The following MRTFB variants were observed in gnomAD, a reference collection of about 807,000 sequenced individuals.
MRTFB encodes the protein myocardin related transcription factor B.
In MRTFB, 29 loss-of-function variants were observed where a neutral mutation model predicts 104.2. That is an observed-to-expected ratio of 0.28 (90% CI 0.21 to 0.38). The LOEUF (loss-of-function observed/expected upper bound fraction) is 0.38, where lower values mean the gene tolerates loss of function less well. MRTFB is among the 10% of genes least tolerant of loss of function. The pLI is 1.00. For missense variants in MRTFB, 1,270 were observed against 1,341.6 expected (o/e 0.95, Z 0.83); for synonymous variants, 535 against 519.5 (o/e 1.03, Z -0.41).
intron 2 of MRTFB, among the ~76,000 whole-genome samples, chr16:14,115,077 A>C (rs1230691430): frequency 6.6e-6 from 1 of 152,176 alleles, no homozygotes; most frequent in Non-Finnish European, 1.5e-5. Context: ...AAGTATAGAA[A>C]GGTTTGGGTC....
At chr16:14,235,722 G>A (rs1302391454) in intron 9 of MRTFB, among the ~76,000 whole-genome samples, 4 of 152,158 alleles carry the variant, frequency 2.6e-5, no homozygotes, top group African/African-American at 9.7e-5. Flanking sequence ...TTCCATCTGA[G>A]GAACACTAGT....
Position 14,264,363 on chromosome 16 carries a change from A to G in MRTFB, c.*2919A>G, listed in dbSNP as rs953664844. On this transcript the variant is annotated 3_prime_UTR_variant, in exon 17 of 17. Transcript: ENST00000571589. ...GGGGTGGGATGAATTTAAAAGTTAT[A>G]CCAAAATTTCTGTAAAGTCTTTGAA... 1 of 152,222 alleles carries G rather than the reference A, an allele frequency of 6.6e-6. No individual in the cohort carries two copies. The highest frequency in any genetic ancestry group is 1.5e-5 in the Non-Finnish European group (1 of 68,044). 9.4% of individuals were successfully genotyped at this position (152,222 alleles called of 1,614,324 possible). A position where few individuals can be genotyped will look rare whatever the true frequency, so the allele number is the denominator to read the frequency against.
chr16:14,260,939 C>G lies in MRTFB; in HGVS notation c.2795C>G (p.Ser932Cys), dbSNP rs1230026202. ...TCCCTCCCCATAAAAGAAGAACCTT[C>G]TCCTATTTCCAAAATGAGACCAGTG... ...EISLPIKEEP[S>C]PISKMRPVTA... The change falls in exon 17 of 17, where the codon TCT becomes TGT. Residue 932 changes from serine to cysteine, a missense_variant. Transcript: ENST00000571589. 2.5e-6 allele frequency: 4 copies of G among 1,611,336 alleles called. No homozygotes were observed. The highest frequency in any genetic ancestry group is 1.3e-5 in the African/African-American group (1 of 74,868).
chr16:14,015,145 G>T, the MRTFB span, among the ~76,000 whole-genome samples: 2 of 152,174 alleles, frequency 1.3e-5, no homozygotes, highest in African/African-American at 4.8e-5. Flanking sequence ...AAATGTAAGT[G>T]TAAGTGTATT....
chr16:14,126,569 C>G (rs758817660), intron 2 of MRTFB, among the ~76,000 whole-genome samples: 2 of 151,998 alleles, frequency 1.3e-5, no homozygotes, highest in Non-Finnish European at 2.9e-5. Flanking sequence ...TGCGGGAAAC[C>G]AAGAATGTGG....
At chr16:14,110,951 A>G (rs563812109) in intron 2 of MRTFB, among the ~76,000 whole-genome samples, 5 of 151,938 alleles carry the variant, frequency 3.3e-5, no homozygotes, top group Admixed American at 6.6e-5. Flanking sequence ...GAAATCATCA[A>G]CCTGCTCTGT....
chr16:14,221,774 TTTCC>T (rs2041722231), intron 8 of MRTFB, among the ~76,000 whole-genome samples: 1 of 133,400 alleles, frequency 7.5e-6, no homozygotes, highest in African/African-American at 2.8e-5. Context: ...TAGATATTTC[TTTCC>T]TTTTTTTTTT....
At chr16:14,074,528 G>T (rs2033919268) in intron 1 of MRTFB, among the ~76,000 whole-genome samples, 1 of 152,102 alleles carries the variant, frequency 6.6e-6, no homozygotes, top group Non-Finnish European at 1.5e-5. Context: ...GTGTTTCATT[G>T]ATTTTTAAGA....
chr16:14,093,234 G>A (rs961916685), intron 2 of MRTFB, among the ~76,000 whole-genome samples: 1 of 141,510 alleles, frequency 7.1e-6, no homozygotes, highest in Non-Finnish European at 1.5e-5. Context: ...ATTCATACTT[G>A]AGAGATGGAT....
At chr16:14,049,890 G>C in the MRTFB span, among the ~76,000 whole-genome samples, 1 of 152,162 alleles carries the variant, frequency 6.6e-6, no homozygotes, top group African/African-American at 2.4e-5. Flanking sequence ...GTATCACCAG[G>C]CCTGGCTAAT....
the MRTFB span, among the ~76,000 whole-genome samples, chr16:14,022,428 T>C: frequency 4.4e-3 from 670 of 152,322 alleles, 4 homozygotes; most frequent in African/African-American, 0.015. Flanking sequence ...GAGACAGTCT[T>C]GCTCTGTCAC....
chr16:14,074,851 G>A (rs1398021985), intron 1 of MRTFB, among the ~76,000 whole-genome samples: 3 of 152,252 alleles, frequency 2.0e-5, no homozygotes, highest in South Asian at 2.1e-4. Context: ...AAAACAAATG[G>A]AGAATCAATG....
intron 2 of MRTFB, among the ~76,000 whole-genome samples, chr16:14,127,875 C>G (rs2037199815): frequency 7.7e-6 from 1 of 130,426 alleles, no homozygotes; most frequent in African/African-American, 2.7e-5. Context: ...ATATCTTTGT[C>G]CAGGGTGTAA....
chr16:14,174,029 G>T (rs1320169381), intron 3 of MRTFB, among the ~76,000 whole-genome samples: 2 of 151,960 alleles, frequency 1.3e-5, no homozygotes, highest in African/African-American at 2.4e-5. Context: ...GATCAGAGTT[G>T]TTTGTAATTT....
chr16:14,087,359 C>T (rs1040781806), intron 2 of MRTFB, among the ~76,000 whole-genome samples: 1 of 152,136 alleles, frequency 6.6e-6, no homozygotes, highest in Non-Finnish European at 1.5e-5. Flanking sequence ...AATTTCCTTC[C>T]TTCCTAACTC....
chr16:14,036,154 T>C, the MRTFB span, among the ~76,000 whole-genome samples: 2 of 15,498 alleles, frequency 1.3e-4, no homozygotes, highest in Non-Finnish European at 1.3e-4. Context: ...ATATAATATA[T>C]ATTATATAAA....
chr16:14,054,513 G>A, the MRTFB span, among the ~76,000 whole-genome samples: 27 of 152,232 alleles, frequency 1.8e-4, no homozygotes, highest in Non-Finnish European at 3.1e-4. Flanking sequence ...CACCATGACC[G>A]GCCCTTTTCA....
chr16:14,147,665 G>A (rs533084571), intron 3 of MRTFB, among the ~76,000 whole-genome samples: 4 of 152,246 alleles, frequency 2.6e-5, no homozygotes, highest in South Asian at 4.2e-4. Context: ...GATCTCCTGC[G>A]GGAGTAGCAG....
upstream of MRTFB, among the ~76,000 whole-genome samples, chr16:14,069,195 T>G (rs1596671242): frequency 6.6e-6 from 1 of 152,258 alleles, no homozygotes; most frequent in African/African-American, 2.4e-5. Context: ...GGTCTTGAAC[T>G]CCTGACCTCA....
Sources: allele counts gnomAD v4.1 joint callset (sites outside exome capture counted in the v4.1 genomes callset), GRCh38; gene constraint gnomAD v4.1.1; transcripts MANE v1.5; gene names NCBI Gene and HGNC (gene_info 2026-07-23, HGNC 2026-07-21).